Variants in CAP2 observed in about 807,000 individuals in gnomAD.
The protein encoded by CAP2 is adenylyl cyclase-associated protein 2.
A neutral mutation model predicts 57.7 loss-of-function variants in CAP2; 24 were observed. The observed-to-expected ratio is 0.42, with a 90% CI of 0.30 to 0.58. CAP2 has a LOEUF of 0.58. Ranked by LOEUF, CAP2 falls within the 20% of genes least tolerant of loss-of-function variation. CAP2 has a pLI of 0.22. For synonymous variants in CAP2, 194 were observed against 207.2 expected, an observed-to-expected ratio of 0.94 and a Z score of 0.55; for missense variants, 501 against 590.3, an observed-to-expected ratio of 0.85 and a Z score of 1.57.
At chr6:17,456,224 A>G (rs988783401) in intron 3 of CAP2, among the ~76,000 whole-genome samples, 21 of 152,334 alleles carry the variant, frequency 1.4e-4, no homozygotes, top group Non-Finnish European at 2.9e-4. Flanking sequence ...GAAAGCCTCC[A>G]GTTGATTCTG....
chr6:17,492,327 C>G (rs953210591), intron 4 of CAP2, among the ~76,000 whole-genome samples: 13 of 152,106 alleles, frequency 8.5e-5, no homozygotes, highest in African/African-American at 3.1e-4. Flanking sequence ...AGTCTATGGG[C>G]TGGAAGTCAG....
chr6:17,454,215 C>A (rs1023378699), intron 3 of CAP2, among the ~76,000 whole-genome samples: 2 of 151,876 alleles, frequency 1.3e-5, no homozygotes, highest in African/African-American at 4.8e-5. Context: ...CGGCTCAGGG[C>A]TCCTTCAAGC....
At chr6:17,505,783 T>A (rs888824890) in intron 4 of CAP2, among the ~76,000 whole-genome samples, 3 of 152,230 alleles carry the variant, frequency 2.0e-5, no homozygotes, top group Admixed American at 6.5e-5. Context: ...TAGAGAATGC[T>A]AAGGATGTAG....
intron 7 of CAP2, among the ~76,000 whole-genome samples, chr6:17,538,889 G>A (rs983628574): frequency 8.5e-5 from 13 of 152,170 alleles, no homozygotes; most frequent in Non-Finnish European, 1.9e-4. Context: ...TCTCAAAAGA[G>A]CTAATCGTTT....
intron 7 of CAP2, among the ~76,000 whole-genome samples, chr6:17,519,139 TG>T (rs1184972225): frequency 6.6e-6 from 1 of 152,226 alleles, no homozygotes; most frequent in African/African-American, 2.4e-5. Context: ...GTTTGAGACC[TG>T]GACTGTCCAA....
intron 4 of CAP2, among the ~76,000 whole-genome samples, chr6:17,466,251 A>T (rs1197196523): frequency 6.6e-6 from 1 of 152,232 alleles, no homozygotes; most frequent in Middle Eastern, 3.2e-3. Flanking sequence ...TAACTGCTGT[A>T]ATTTCAGCTC....
chr6:17,424,096 G>T (rs898250120), intron 2 of CAP2, among the ~76,000 whole-genome samples: 4 of 152,044 alleles, frequency 2.6e-5, no homozygotes, highest in South Asian at 2.1e-4. Flanking sequence ...AATTTTAAAA[G>T]AAACTTGAAA....
intron 6 of CAP2, among the ~76,000 whole-genome samples, chr6:17,510,561 T>G (rs1762118459): frequency 1.3e-5 from 2 of 152,204 alleles, no homozygotes; most frequent in South Asian, 2.1e-4. Context: ...AAGGCAATTG[T>G]GCCCAATGAT....
intron 1 of CAP2, among the ~76,000 whole-genome samples, chr6:17,420,933 A>C (rs1759424261): frequency 6.6e-6 from 1 of 152,224 alleles, no homozygotes; most frequent in Non-Finnish European, 1.5e-5. Context: ...AGACGCATGC[A>C]CACACATTTA....
At chr6:17,456,699 C>T (rs1760580179) in intron 3 of CAP2, among the ~76,000 whole-genome samples, 1 of 152,106 alleles carries the variant, frequency 6.6e-6, no homozygotes, top group Admixed American at 6.5e-5. Flanking sequence ...GGGCCCCTTC[C>T]CTTTGCTGTC....
At chr6:17,485,073 G>T (rs1445901930) in intron 4 of CAP2, among the ~76,000 whole-genome samples, 2 of 152,048 alleles carry the variant, frequency 1.3e-5, no homozygotes, top group Non-Finnish European at 2.9e-5. Context: ...ATGTTGGGGC[G>T]TTCATCAGGG....
intron 1 of CAP2, among the ~76,000 whole-genome samples, chr6:17,416,412 AACCC>A (rs1759276620): frequency 6.6e-6 from 1 of 152,180 alleles, no homozygotes; most frequent in Non-Finnish European, 1.5e-5. Context: ...ACTTAATGGC[AACCC>A]TGTGTATAGT....
At chr6:17,498,951 A>C (rs1761733616) in intron 4 of CAP2, among the ~76,000 whole-genome samples, 1 of 151,622 alleles carries the variant, frequency 6.6e-6, no homozygotes, top group African/African-American at 2.4e-5. Context: ...GGATGGTCTC[A>C]ATCTCCTGAC....
At chr6:17,494,061 A>C (rs904449924) in intron 4 of CAP2, among the ~76,000 whole-genome samples, 2 of 152,036 alleles carry the variant, frequency 1.3e-5, no homozygotes, top group Non-Finnish European at 2.9e-5. Flanking sequence ...TCTCCACTAC[A>C]TTCACTCTGG....
At chr6:17,531,890 T>A (rs1055920385) in intron 7 of CAP2, among the ~76,000 whole-genome samples, 5 of 152,090 alleles carry the variant, frequency 3.3e-5, no homozygotes, top group Non-Finnish European at 7.4e-5. Context: ...ATATCACACT[T>A]CATCTACAAT....
At chr6:17,455,128 C>A (rs568717401) in intron 3 of CAP2, among the ~76,000 whole-genome samples, 5 of 152,088 alleles carry the variant, frequency 3.3e-5, no homozygotes, top group Admixed American at 6.6e-5. Flanking sequence ...CACCAAGGAA[C>A]GGCAATCTCC....
At chr6:17,542,335 G>A (rs1308790684) in intron 9 of CAP2, among the ~76,000 whole-genome samples, 6 of 152,168 alleles carry the variant, frequency 3.9e-5, no homozygotes, top group Admixed American at 3.3e-4. Flanking sequence ...AAGTGTGTGA[G>A]CAGGACATAG....
chr6:17,549,698 C>A (rs573798559), intron 11 of CAP2, among the ~76,000 whole-genome samples: 39 of 152,266 alleles, frequency 2.6e-4, no homozygotes, highest in African/African-American at 8.7e-4. Flanking sequence ...GCTAGGTTAA[C>A]TGAATCTTAT....
intron 3 of CAP2, among the ~76,000 whole-genome samples, chr6:17,442,858 C>T (rs1367939322): frequency 6.6e-6 from 1 of 151,944 alleles, no homozygotes. Context: ...GCTGGAACTA[C>T]AGATGTGCGC....
Sources: allele counts gnomAD v4.1 joint callset (sites outside exome capture counted in the v4.1 genomes callset), GRCh38; gene constraint gnomAD v4.1.1; transcripts MANE v1.5; gene names NCBI Gene and HGNC (gene_info 2026-07-23, HGNC 2026-07-21).